Variants in PRKAR2B observed in about 807,000 individuals in gnomAD.
PRKAR2B encodes the protein cAMP-dependent protein kinase type II-beta regulatory subunit.
Under a neutral mutation model 49.9 loss-of-function variants are expected in PRKAR2B, and 14 were observed. The observed-to-expected ratio is 0.28, with a 90% CI of 0.19 to 0.44. PRKAR2B has a LOEUF of 0.44. Among genes scored for constraint, PRKAR2B ranks in the 20% least tolerant of loss-of-function variants. The probability of loss-of-function intolerance (pLI) is 1.00; values close to 1 mark genes in which losing one functional copy is unlikely to be tolerated. For synonymous variants in PRKAR2B, 196 were observed against 197.7 expected (o/e 0.99, Z 0.07); for missense variants, 393 against 537.9 (o/e 0.73, Z 2.67).
intron 1 of PRKAR2B, among the ~76,000 whole-genome samples, chr7:107,055,916 C>G (rs1478576828): frequency 6.6e-6 from 1 of 152,134 alleles, no homozygotes; most frequent in Non-Finnish European, 1.5e-5. Flanking sequence ...ATGGTATTGC[C>G]TAGGTTTTCT....
intron 8 of PRKAR2B, among the ~76,000 whole-genome samples, chr7:107,155,451 C>T (rs1328337325): frequency 6.6e-6 from 1 of 152,104 alleles, no homozygotes; most frequent in Non-Finnish European, 1.5e-5. Context: ...GCTACACTGT[C>T]CTCCAAAATG....
At chr7:107,111,560 T>C (rs933075783) in intron 2 of PRKAR2B, among the ~76,000 whole-genome samples, 1 of 152,042 alleles carries the variant, frequency 6.6e-6, no homozygotes, top group African/African-American at 2.4e-5. Flanking sequence ...TGGGAGAAAA[T>C]AGGGGAAGAG....
intron 5 of PRKAR2B, among the ~76,000 whole-genome samples, chr7:107,145,010 G>A (rs1795864276): frequency 6.6e-6 from 1 of 152,002 alleles, no homozygotes; most frequent in Non-Finnish European, 1.5e-5. Context: ...GAAGTGCAGT[G>A]ACATGCAAAC....
chr7:107,100,339 TC>T (rs1411603550), intron 2 of PRKAR2B, among the ~76,000 whole-genome samples: 2 of 152,196 alleles, frequency 1.3e-5, no homozygotes, highest in Non-Finnish European at 2.9e-5. Flanking sequence ...CCTTCTGACT[TC>T]CATTGTTTCT....
At chr7:107,100,356 G>A (rs1485656452) in intron 2 of PRKAR2B, among the ~76,000 whole-genome samples, 4 of 152,142 alleles carry the variant, frequency 2.6e-5, no homozygotes, top group Non-Finnish European at 5.9e-5. Flanking sequence ...TTTCTGATGA[G>A]CAGTTAGTAA....
chr7:107,139,833 CTG>C (rs2115634717), intron 4 of PRKAR2B, among the ~76,000 whole-genome samples: 1 of 152,326 alleles, frequency 6.6e-6, no homozygotes, highest in South Asian at 2.1e-4. Context: ...TTTCTTCAAC[CTG>C]TGTTTTCCAC....
chr7:107,070,315 A>G lies in PRKAR2B; in HGVS notation c.342A>G (p.Ser114=). The G allele has an allele frequency of 6.2e-7, 1 of 1,602,824 alleles. No individual in the cohort carries two copies. Among genetic ancestry groups the G allele is most frequent in the Non-Finnish European group, 8.5e-7 (1 of 1,171,476 alleles). ...PVINRFTRRA[S]VCAEAYNPDE... is the part of the protein sequence containing the mutation. ...TAAACCGATTCACAAGGCGTGCCTC[A>G]GGTAAGTCTGATTATATTATGGATT... The change falls in exon 2 of 11, where the codon TCA becomes TCG. Residue 114 remains serine (S), a splice_region_variant and synonymous_variant. Transcript: ENST00000265717.
At chr7:107,158,248 G>C (rs982358817) in intron 10 of PRKAR2B, among the ~76,000 whole-genome samples, 5 of 151,990 alleles carry the variant, frequency 3.3e-5, no homozygotes, top group African/African-American at 1.2e-4. Flanking sequence ...GTGAGTGAGT[G>C]AAAGTCTATT....
chr7:107,097,809 C>G (rs1041652130), intron 2 of PRKAR2B, among the ~76,000 whole-genome samples: 1 of 152,190 alleles, frequency 6.6e-6, no homozygotes, highest in African/African-American at 2.4e-5. Context: ...GTTGAAAATT[C>G]TTTTCTTTAA....
chr7:107,146,574 A>G (rs1320919616), intron 6 of PRKAR2B, 113 bp downstream of exon 6: 1 of 1,217,560 alleles, frequency 8.2e-7, no homozygotes, highest in Non-Finnish European at 1.1e-6. Context: ...TCATCAGGTA[A>G]TTTATTAAGC....
chr7:107,070,152 G>T, intron 1 of PRKAR2B, 129 bp from the exon 2 acceptor site: 1 of 544,886 alleles, frequency 1.8e-6, no homozygotes, highest in South Asian at 2.8e-5. Flanking sequence ...TATATTCATG[G>T]TATTTCCTCT....
At chr7:107,082,550 G>T (rs1584418254) in intron 2 of PRKAR2B, among the ~76,000 whole-genome samples, 1 of 152,184 alleles carries the variant, frequency 6.6e-6, no homozygotes, top group Admixed American at 6.5e-5. Flanking sequence ...CAATTAATTA[G>T]AAGTTAAGTG....
intron 1 of PRKAR2B, chr7:107,067,214 C>G (rs1794168481): frequency 6.6e-6 from 1 of 152,222 alleles, no homozygotes; most frequent in African/African-American, 2.4e-5. Context: ...GGCCTCCACC[C>G]TGAATCCCAG....
At chr7:107,091,270 A>G (rs1562853476) in intron 2 of PRKAR2B, among the ~76,000 whole-genome samples, 1 of 152,214 alleles carries the variant, frequency 6.6e-6, no homozygotes, top group Non-Finnish European at 1.5e-5. Flanking sequence ...CTTTAGTTAA[A>G]TTCAAAGGCA....
chr7:107,150,166 T>G (rs1795958399), intron 6 of PRKAR2B, among the ~76,000 whole-genome samples: 1 of 152,106 alleles, frequency 6.6e-6, no homozygotes, highest in African/African-American at 2.4e-5. Context: ...TGAGAAATTA[T>G]TTAAAATAAA....
chr7:107,157,429 TC>T, intron 10 of PRKAR2B, 105 bp downstream of exon 10: 1 of 1,366,214 alleles, frequency 7.3e-7, no homozygotes, highest in South Asian at 1.6e-5. Flanking sequence ...GGTTTTGTGG[TC>T]CCCACAAAAG....
Position 107,146,420 on chromosome 7 carries a change from G to C in PRKAR2B, c.700G>C (p.Ala234Pro). The C allele has an allele frequency of 6.2e-7, 1 of 1,614,192 alleles. No homozygotes were observed. The highest frequency in any genetic ancestry group is 8.5e-7 in the Non-Finnish European group (1 of 1,180,008). Residue 234 changes from alanine to proline, a missense_variant, in exon 6 of 11, where the codon GCT becomes CCT. Coordinates refer to ENST00000265717, the MANE Select transcript of PRKAR2B (RefSeq NM_002736.3). ...LALMYNTPRA[A>P]TITATSPGAL... ...CTTAATGTACAATACACCCAGAGCA[G>C]CTACAATCACTGCTACCTCTCCTGG... is the stretch of plus-strand genomic sequence containing the variant.
intron 1 of PRKAR2B, among the ~76,000 whole-genome samples, chr7:107,051,745 T>TA (rs201545678): frequency 4.8e-5 from 7 of 147,172 alleles, no homozygotes; most frequent in African/African-American, 9.9e-5. Context: ...GTTTGGAAAC[T>TA]AAAAAAAAAA....
intron 2 of PRKAR2B, among the ~76,000 whole-genome samples, chr7:107,097,557 T>C (rs1169307434): frequency 6.6e-6 from 1 of 152,228 alleles, no homozygotes; most frequent in East Asian, 1.9e-4. Flanking sequence ...CATTATGATG[T>C]TAGCTGGTTA....
Sources: allele counts gnomAD v4.1 joint callset (sites outside exome capture counted in the v4.1 genomes callset), GRCh38; gene constraint gnomAD v4.1.1; transcripts MANE v1.5; gene names NCBI Gene and HGNC (gene_info 2026-07-23, HGNC 2026-07-21).